PDCL3: variants seen among roughly 807,000 people sequenced by gnomAD.
PDCL3 encodes the protein phosducin-like protein 3.
PDCL3 carries 22 observed loss-of-function variants against 26.5 expected under a neutral mutation model. The ratio of observed to expected loss-of-function variants is 0.83; its 90% CI spans 0.59 to 1.19. The LOEUF is 1.19. PDCL3 is among the 50% of genes most tolerant of loss of function. The pLI, the probability that PDCL3 is intolerant of heterozygous loss-of-function variation, is 0.00. For synonymous variants in PDCL3, 81 were observed against 104.9 expected, an observed-to-expected ratio of 0.77 and a Z score of 1.39; for missense variants, 246 against 294.1, an observed-to-expected ratio of 0.84 and a Z score of 1.20.
intron 4 of PDCL3, among the ~76,000 whole-genome samples, chr2:100,570,774 C>T (rs1019499044): frequency 2.6e-5 from 4 of 152,040 alleles, no homozygotes; most frequent in African/African-American, 9.7e-5. Context: ...CTGCACCTGG[C>T]CAGGAATTTC....
chr2:100,571,525 A>T, intron 4 of PDCL3, 65 bp from the exon 5 acceptor site: 1 of 1,456,092 alleles, frequency 6.9e-7, no homozygotes, highest in Non-Finnish European at 9.5e-7. Context: ...TAGAAGGGTC[A>T]TTGAGCTTTG....
chr2:100,563,310 G>C (rs1315714723), intron 1 of PDCL3: 13 of 488,348 alleles, frequency 2.7e-5, no homozygotes, highest in Admixed American at 4.4e-5. Context: ...TCGTCCTCCG[G>C]GACTATGTCT....
intron 5 of PDCL3, among the ~76,000 whole-genome samples, chr2:100,575,929 C>T (rs889738565): frequency 7.9e-5 from 12 of 152,014 alleles, no homozygotes; most frequent in African/African-American, 2.9e-4. Flanking sequence ...GGGTCTCGCT[C>T]TGTCGTGTAG....
chr2:100,574,184 A>G (rs1324193684), intron 5 of PDCL3, among the ~76,000 whole-genome samples: 1 of 151,884 alleles, frequency 6.6e-6, no homozygotes. Context: ...TTGTATTTTT[A>G]GTAGAGACGG....
At chr2:100,569,429 A>T in intron 3 of PDCL3, 149 bp from the exon 4 acceptor site, 1 of 923,318 alleles carries the variant, frequency 1.1e-6, no homozygotes, top group Non-Finnish European at 1.6e-6. Flanking sequence ...GACTGCAATT[A>T]AATAATATTG....
At chr2:100,569,521 CGA>C in intron 3 of PDCL3, 55 bp from the exon 4 acceptor site, 1 of 1,578,004 alleles carries the variant, frequency 6.3e-7, no homozygotes, top group Non-Finnish European at 8.6e-7. Context: ...GCCTTCTAGA[CGA>C]TGTGTGTGTA....
rs371868238 is a variant in PDCL3 at position 100,575,416 on chromosome 2, T to G, written c.578-938T>G. Among the ~76,000 whole-genome samples, 37 of 152,146 alleles carry G rather than the reference T, an allele frequency of 2.4e-4. No individual in the cohort carries two copies. In the East Asian group the frequency reaches 6.4e-3, roughly 26 times the overall value. On this transcript the variant is annotated intron_variant, in intron 5 of 5. Coordinates refer to ENST00000264254, the MANE Select transcript of PDCL3 (RefSeq NM_024065.5). The stretch of plus-strand genomic sequence containing the variant: ...TCCCAAAGTGCTGGGATTACAGGCA[T>G]GTGCCACCGCGCCCGGCCTGGTTTT...
chr2:100,571,093 C>T (rs1291225475), intron 4 of PDCL3, among the ~76,000 whole-genome samples: 3 of 118,742 alleles, frequency 2.5e-5, no homozygotes, highest in Non-Finnish European at 4.8e-5. Flanking sequence ...GCCTGGGCAA[C>T]GTGGTGAAAC....
chr2:100,572,914 T>C (rs1456718680), intron 5 of PDCL3, among the ~76,000 whole-genome samples: 2 of 151,840 alleles, frequency 1.3e-5, no homozygotes, highest in East Asian at 3.9e-4. Flanking sequence ...AGATGGAGTT[T>C]TGCTCTTTCG....
chr2:100,569,736 C>T lies in PDCL3; in HGVS notation c.368+15C>T. On this transcript the variant is annotated intron_variant, in intron 4 of 5. Coordinates refer to ENST00000264254, the MANE Select transcript of PDCL3 (RefSeq NM_024065.5). ...TACAAACAAGGGTGAGCTGATCTTC[C>T]ACTCCATCTATCAAATGTTAATTTG... The T allele has an allele frequency of 3.1e-6, 5 of 1,601,594 alleles. No individual in the cohort carries two copies. The highest frequency in any genetic ancestry group is 4.3e-6 in the Non-Finnish European group (5 of 1,173,876).
chr2:100,571,935 T>G, intron 5 of PDCL3, 137 bp downstream of exon 5: 1 of 390,942 alleles, frequency 2.6e-6, no homozygotes, highest in Non-Finnish European at 3.9e-6. Context: ...CGGAAGCACG[T>G]TTAATCTCTC....
Position 100,569,682 on chromosome 2 carries a change from G to T in PDCL3, c.329G>T (p.Gly110Val), listed in dbSNP as rs768148971. ...TATGTTCAAGAAGTTACCAAAGCTG[G>T]CGAGGGCTTGTGGGTCATCTTGCAC... ...KDYVQEVTKA[G>V]EGLWVILHLY... is the part of the protein sequence containing the mutation. The change falls in exon 4 of 6, where the codon GGC (glycine) becomes GTC (valine). Residue 110 changes from glycine (G) to valine (V), a missense_variant. Coordinates refer to ENST00000264254, the MANE Select transcript of PDCL3 (RefSeq NM_024065.5). 7.1e-5 allele frequency: 115 copies of T among 1,613,748 alleles called. No individual in the cohort carries two copies. Among genetic ancestry groups the T allele is most frequent in the Non-Finnish European group, 9.3e-5 (110 of 1,179,944 alleles).
Position 100,576,203 on chromosome 2 carries a change from A to C in PDCL3, c.578-151A>C, listed in dbSNP as rs1034556242. The C allele has an allele frequency of 4.0e-6, 3 of 752,860 alleles. No homozygotes were observed. In the South Asian group the frequency reaches 6.6e-5, roughly 16 times the overall value. The allele number at this position is 752,860 out of a possible 1,614,324, so 46.6% of individuals were successfully genotyped here. On this transcript the variant is annotated intron_variant, in intron 5 of 5. Coordinates refer to ENST00000264254, the MANE Select transcript of PDCL3 (RefSeq NM_024065.5). ...GTGATCCTCCTGCCTCAGCCTCCCAAAGTGTTGGGATTACAGGCGTGAGCC... is the reference window on the plus strand; with the variant it reads ...GTGATCCTCCTGCCTCAGCCTCCCACAGTGTTGGGATTACAGGCGTGAGCC...
At chr2:100,575,347 G>C (rs1026646137) in intron 5 of PDCL3, among the ~76,000 whole-genome samples, 1 of 152,158 alleles carries the variant, frequency 6.6e-6, no homozygotes. Flanking sequence ...GTGTTAGCCA[G>C]GATGGTCTCG....
At chr2:100,567,935 G>T (rs1384947846) in intron 2 of PDCL3, among the ~76,000 whole-genome samples, 1 of 151,722 alleles carries the variant, frequency 6.6e-6, no homozygotes, top group Non-Finnish European at 1.5e-5. Flanking sequence ...CGATTCTCCT[G>T]CGTCAGCCTC....
At chr2:100,571,367 G>A (rs1675165900) in intron 4 of PDCL3, among the ~76,000 whole-genome samples, 1 of 147,896 alleles carries the variant, frequency 6.8e-6, no homozygotes. Flanking sequence ...GGGGGCTGAG[G>A]TGGGAGCATT....
In PDCL3 at chr2:100,575,231, G is replaced by A. The variant is rs187851116; in HGVS notation, c.578-1123G>A. Among the ~76,000 whole-genome samples, 363 of 152,274 alleles carry A rather than the reference G, an allele frequency of 2.4e-3. 3 individuals carry two copies. The highest frequency in any genetic ancestry group is 8.3e-3 in the African/African-American group (343 of 41,562). On this transcript the variant is annotated intron_variant, in intron 5 of 5. Coordinates refer to ENST00000264254, the MANE Select transcript of PDCL3 (RefSeq NM_024065.5). ...GCTCACTGCAAGCTCCGCCTCCCACGTTCACACCATTCTCCAGCCTCAGCC... is the reference window on the plus strand; with the variant it reads ...GCTCACTGCAAGCTCCGCCTCCCACATTCACACCATTCTCCAGCCTCAGCC...
chr2:100,571,438 T>C (rs896343881), intron 4 of PDCL3, 152 bp from the exon 5 acceptor site: 2 of 718,116 alleles, frequency 2.8e-6, no homozygotes, highest in Non-Finnish European at 4.5e-6. Flanking sequence ...CAAGACCCTA[T>C]GTCAAAAAAA....
At chr2:100,571,875 G>A in intron 5 of PDCL3, 77 bp downstream of exon 5, 1 of 1,438,714 alleles carries the variant, frequency 7.0e-7, no homozygotes, top group South Asian at 1.2e-5. Context: ...CTATTTCCTG[G>A]ACTCCTGTTA....
Sources: gnomAD v4.1 joint callset for allele counts (sites outside exome capture counted in the v4.1 genomes callset) on GRCh38, gnomAD v4.1.1 for gene constraint, MANE v1.5 for transcripts, NCBI Gene and HGNC (gene_info 2026-07-23, HGNC 2026-07-21) for gene names.